Variants in VAV2 observed in about 807,000 individuals in gnomAD.
VAV2 encodes guanine nucleotide exchange factor VAV2.
In VAV2, 67 loss-of-function variants were observed where a neutral mutation model predicts 132.5. The ratio of observed to expected loss-of-function variants is 0.51; its 90% CI spans 0.42 to 0.62. The LOEUF (loss-of-function observed/expected upper bound fraction) is 0.62, where lower values mean the gene tolerates loss of function less well. Among genes scored for constraint, VAV2 ranks in the 20% least tolerant of loss-of-function variants. The pLI is 0.00. For synonymous variants in VAV2, 492 were observed against 443.5 expected (o/e 1.11, Z -1.37); for missense variants, 938 against 1,153.6 (o/e 0.81, Z 2.71).
At chr9:133,861,898 C>T (rs1837610934) in intron 2 of VAV2, among the ~76,000 whole-genome samples, 1 of 152,236 alleles carries the variant, frequency 6.6e-6, no homozygotes. Context: ...TGCCCAAAGT[C>T]ACCCAGCAGC....
chr9:133,894,065 C>A lies in VAV2; in HGVS notation c.322-32633G>T, dbSNP rs144655279. ...CACAGCCCATGGCTGAGAATCCATC[C>A]CCCACTCCCCGCCTCCACTGCCCGT... On this transcript the variant is annotated intron_variant, in intron 2 of 29. Transcript: ENST00000371850. Among the ~76,000 whole-genome samples the A allele has an allele frequency of 3.1e-3, 465 of 152,348 alleles. 9 individuals are homozygous for A. Among genetic ancestry groups the A allele is most frequent in the African/African-American group, 0.011 (441 of 41,576 alleles).
At chr9:133,847,258 C>A (rs1836969042) in intron 3 of VAV2, among the ~76,000 whole-genome samples, 1 of 152,190 alleles carries the variant, frequency 6.6e-6, no homozygotes, top group Non-Finnish European at 1.5e-5. Context: ...CAAGTGGGTG[C>A]TCAGGGAAGG....
chr9:133,800,670 T>C (rs2131646342), intron 9 of VAV2, among the ~76,000 whole-genome samples: 1 of 152,316 alleles, frequency 6.6e-6, no homozygotes, highest in South Asian at 2.1e-4. Flanking sequence ...CCAGCAGCTC[T>C]AGTGTGGCCA....
At chr9:133,942,382 G>A (rs1841197450) in intron 1 of VAV2, among the ~76,000 whole-genome samples, 1 of 152,228 alleles carries the variant, frequency 6.6e-6, no homozygotes, top group Non-Finnish European at 1.5e-5. Context: ...GATTCAGGCT[G>A]CTGGCCTGCA....
Position 133,787,228 on chromosome 9 carries a change from T to C in VAV2, c.1422+18A>G, listed in dbSNP as rs2131608278. On this transcript the variant is annotated intron_variant, in intron 16 of 29. Coordinates refer to ENST00000371850, the MANE Select transcript of VAV2 (RefSeq NM_001134398.2). ...GATGATTGAGGCAGGTGGGAGGACC[T>C]GGGCGCTAGGTGCTTACCATTTTCC... 1 of 1,573,238 alleles carries C rather than the reference T, an allele frequency of 6.4e-7. No individual in the cohort carries two copies.
intron 1 of VAV2, among the ~76,000 whole-genome samples, chr9:133,990,850 C>A (rs1008692617): frequency 1.3e-5 from 2 of 152,114 alleles, no homozygotes; most frequent in African/African-American, 4.8e-5. Flanking sequence ...TCTGAGGGCT[C>A]CTGCTAAGCC....
intron 4 of VAV2, among the ~76,000 whole-genome samples, chr9:133,819,701 C>A (rs1298371864): frequency 6.6e-6 from 1 of 152,144 alleles, no homozygotes; most frequent in Non-Finnish European, 1.5e-5. Context: ...ATCAGCCTGG[C>A]CACACGGATG....
intron 3 of VAV2, among the ~76,000 whole-genome samples, chr9:133,848,032 C>T (rs1226800602): frequency 6.6e-6 from 1 of 152,174 alleles, no homozygotes; most frequent in Non-Finnish European, 1.5e-5. Flanking sequence ...AATCCCAGCA[C>T]TTTGGGAGGC....
At chr9:133,981,498 G>A (rs911929765) in intron 1 of VAV2, among the ~76,000 whole-genome samples, 4 of 152,344 alleles carry the variant, frequency 2.6e-5, no homozygotes, top group Non-Finnish European at 5.9e-5. Flanking sequence ...GGTGAGGGCC[G>A]GTGCCCTTCA....
At chr9:133,852,637 G>C (rs1300470572) in intron 3 of VAV2, among the ~76,000 whole-genome samples, 2 of 152,154 alleles carry the variant, frequency 1.3e-5, no homozygotes, top group Non-Finnish European at 2.9e-5. Flanking sequence ...CAGGCTGGCT[G>C]TTCACGCCCC....
chr9:133,843,180 G>A (rs1270179541), intron 3 of VAV2, among the ~76,000 whole-genome samples: 1 of 152,198 alleles, frequency 6.6e-6, no homozygotes, highest in African/African-American at 2.4e-5. Context: ...CAGTGTCGGA[G>A]ATGAGCCTGA....
chr9:133,887,002 GC>G (rs1014519368), intron 2 of VAV2, among the ~76,000 whole-genome samples: 12 of 152,240 alleles, frequency 7.9e-5, no homozygotes, highest in East Asian at 1.9e-4. Context: ...CAGGTGCCAA[GC>G]CCCCCCTCCC....
intron 2 of VAV2, among the ~76,000 whole-genome samples, chr9:133,937,503 TGTGA>T (rs1488691555): frequency 1.7e-4 from 5 of 30,154 alleles, no homozygotes; most frequent in African/African-American, 2.4e-4. Flanking sequence ...AGTGTGTGCG[TGTGA>T]GTGTGTGTGC....
intron 2 of VAV2, among the ~76,000 whole-genome samples, chr9:133,890,468 G>C (rs2519766): frequency 6.6e-6 from 1 of 151,926 alleles, no homozygotes; most frequent in Non-Finnish European, 1.5e-5. Context: ...AATGGGAAAA[G>C]TGCCGAGGGT....
At chr9:133,783,392 T>C in intron 19 of VAV2, 111 bp downstream of exon 19, 1 of 1,021,570 alleles carries the variant, frequency 9.8e-7, no homozygotes, top group Non-Finnish European at 1.5e-6. Flanking sequence ...TGCCCTCATC[T>C]GGTCGCTGCC....
At chr9:133,946,167 G>A (rs916111244) in intron 1 of VAV2, among the ~76,000 whole-genome samples, 1 of 152,208 alleles carries the variant, frequency 6.6e-6, no homozygotes, top group African/African-American at 2.4e-5. Flanking sequence ...GTCCCACCCT[G>A]GAGCTGTTAG....
At chr9:133,764,168 G>A in intron 29 of VAV2, 59 bp from the exon 30 acceptor site, 4 of 1,609,166 alleles carry the variant, frequency 2.5e-6, no homozygotes, top group Admixed American at 3.3e-5. Context: ...GCAGGTGTGT[G>A]CATGTCTATG....
intron 1 of VAV2, among the ~76,000 whole-genome samples, chr9:133,988,720 G>C (rs1449726961): frequency 1.3e-5 from 2 of 152,046 alleles, no homozygotes; most frequent in African/African-American, 2.4e-5. Context: ...TCAGGAGTTC[G>C]AGACCACCCT....
At chr9:133,931,874 A>G (rs1840700701) in intron 2 of VAV2, among the ~76,000 whole-genome samples, 2 of 152,208 alleles carry the variant, frequency 1.3e-5, no homozygotes, top group Non-Finnish European at 2.9e-5. Flanking sequence ...TGAGGACCCA[A>G]GAAACTCACA....
Sources: allele counts gnomAD v4.1 joint callset (sites outside exome capture counted in the v4.1 genomes callset), GRCh38; gene constraint gnomAD v4.1.1; transcripts MANE v1.5; gene names NCBI Gene and HGNC (gene_info 2026-07-23, HGNC 2026-07-21).